FUCA1: variants seen among roughly 807,000 people sequenced by gnomAD.
The protein encoded by FUCA1 is tissue alpha-L-fucosidase.
In FUCA1, 52 loss-of-function variants were observed where a neutral mutation model predicts 56.8. The ratio of observed to expected loss-of-function variants is 0.92; its 90% confidence interval spans 0.73 to 1.15. The LOEUF is 1.15. Ranked by LOEUF, FUCA1 falls within the 50% of genes most tolerant of loss-of-function variation. FUCA1 has a pLI of 0.00. For missense variants in FUCA1, 568 were observed against 592.6 expected, an observed-to-expected ratio of 0.96 and a Z score of 0.43; for synonymous variants, 230 against 226.6, an observed-to-expected ratio of 1.02 and a Z score of -0.14.
chr1:23,853,360 C>T (rs1205881830), intron 5 of FUCA1, among the ~76,000 whole-genome samples: 1 of 151,666 alleles, frequency 6.6e-6, no homozygotes, highest in African/African-American at 2.4e-5. Context: ...TCAGCCCCCG[C>T]CCGGCCAGCC....
At chr1:23,866,023 A>T (rs775436615) in intron 1 of FUCA1, among the ~76,000 whole-genome samples, 16 of 152,184 alleles carry the variant, frequency 1.1e-4, no homozygotes, top group Non-Finnish European at 2.1e-4. Context: ...AAACTAAGCC[A>T]TTTGCTGGCC....
chr1:23,860,230 T>C (rs956177908), intron 3 of FUCA1, among the ~76,000 whole-genome samples: 8 of 152,156 alleles, frequency 5.3e-5, no homozygotes, highest in Non-Finnish European at 1.2e-4. Flanking sequence ...GTGCAGAGGA[T>C]GTGGAAAACT....
chr1:23,848,585 A>G (rs1034382672), intron 6 of FUCA1, 64 bp downstream of exon 6: 2 of 1,492,664 alleles, frequency 1.3e-6, no homozygotes, highest in African/African-American at 2.8e-5. Flanking sequence ...TGTGGACCCA[A>G]GGAGATACCA....
At chr1:23,846,320 G>A in intron 6 of FUCA1, 147 bp from the exon 7 acceptor site, 1 of 650,518 alleles carries the variant, frequency 1.5e-6, no homozygotes, top group Non-Finnish European at 2.7e-6. Flanking sequence ...TGCCCAGGCT[G>A]GAGTGCAATG....
chr1:23,864,667 G>A (rs1639584796), intron 2 of FUCA1, among the ~76,000 whole-genome samples: 2 of 151,826 alleles, frequency 1.3e-5, no homozygotes. Flanking sequence ...AACAAACTGA[G>A]CAGGTGACAG....
At chr1:23,856,639 T>A (rs921906977) in intron 4 of FUCA1, among the ~76,000 whole-genome samples, 1 of 152,208 alleles carries the variant, frequency 6.6e-6, no homozygotes, top group African/African-American at 2.4e-5. Context: ...GCGAAGCTAC[T>A]GTGAAGATGG....
In FUCA1 at chr1:23,848,676, T is replaced by A. The variant is rs773823561; in HGVS notation, c.1133A>T (p.Gln378Leu). The A allele has an allele frequency of 3.1e-6, 5 of 1,614,164 alleles. No individual in the cohort carries two copies. In the South Asian group the frequency reaches 5.5e-5, roughly 18 times the overall value. The change falls in exon 6 of 8, where the codon CAA (glutamine) becomes CTA (leucine). Residue 378 changes from glutamine to leucine, a missense_variant. Physicochemically the swap from Gln to Leu is moderately radical, Grantham distance 113 (BLOSUM62 -2). Transcript: ENST00000374479. ...TACAGATGTTGTGTTCTTTTCCCAT[T>A]GCACCCGCCATGGTTTGGAGGCATA... ...AIYASKPWRV[Q>L]WEKNTTSVWY...
intron 5 of FUCA1, among the ~76,000 whole-genome samples, chr1:23,853,209 CATCT>C (rs1639308567): frequency 6.6e-6 from 1 of 151,192 alleles, no homozygotes. Context: ...CCAGCCGCCC[CATCT>C]GAGAAGTGAG....
Position 23,868,219 on chromosome 1 carries a change from C to T in FUCA1, c.68G>A (p.Gly23Glu), listed in dbSNP as rs2148450750. ...PALLLLLLFL[G>E]AAESVRRAQP... is the part of the protein sequence containing the mutation. ...GGCCCGACGCACCGACTCGGCCGCT[C>T]CGAGGAAGAGCAGCAGCAGCAACAG... The change falls in exon 1 of 8, where the codon GGA becomes GAA. Residue 23 changes from glycine (G) to glutamate (E), a missense_variant. Transcript: ENST00000374479. The T allele has an allele frequency of 6.3e-7, 1 of 1,587,200 alleles. No homozygotes were observed. Among genetic ancestry groups the T allele is most frequent in the Non-Finnish European group, 8.6e-7 (1 of 1,167,466 alleles).
intron 5 of FUCA1, among the ~76,000 whole-genome samples, chr1:23,853,364 G>A (rs1482829153): frequency 6.8e-6 from 1 of 148,132 alleles, no homozygotes; most frequent in Admixed American, 6.6e-5. Context: ...CCCCCGCCCG[G>A]CCAGCCGCCC....
At chr1:23,859,528 T>C (rs1384893376) in intron 4 of FUCA1, among the ~76,000 whole-genome samples, 1 of 150,840 alleles carries the variant, frequency 6.6e-6, no homozygotes, top group Non-Finnish European at 1.5e-5. Context: ...ATCGCACCAC[T>C]GTACTCCAGC....
chr1:23,846,274 TC>T, intron 6 of FUCA1, 101 bp from the exon 7 acceptor site: 1 of 801,882 alleles, frequency 1.2e-6, no homozygotes. Context: ...TCTTTTCTTT[TC>T]TTTTTTTTTT....
At position 23,864,936 on chromosome 1, in the gene FUCA1, C is replaced by T. The variant is rs1389537402; in HGVS notation, c.524+555G>A. Among the ~76,000 whole-genome samples the T allele has an allele frequency of 7.9e-5, 12 of 152,060 alleles. No homozygotes were observed. In the South Asian group the frequency reaches 2.3e-3, roughly 29 times the overall value. ...GTCAGGTTGGTCTTGAACTCCTGACCTCATGATCTGCTTGCCTCTGCCTCC... is the reference window on the plus strand; with the variant it reads ...GTCAGGTTGGTCTTGAACTCCTGACTTCATGATCTGCTTGCCTCTGCCTCC... On this transcript the variant is annotated intron_variant, in intron 2 of 7. Transcript: ENST00000374479.
chr1:23,860,333 T>C (rs897259227), intron 3 of FUCA1, among the ~76,000 whole-genome samples: 5 of 151,898 alleles, frequency 3.3e-5, no homozygotes, highest in African/African-American at 2.4e-5. Context: ...CCTGTAATCC[T>C]AGCACTTTGG....
At chr1:23,846,757 T>C (rs1334157119) in intron 6 of FUCA1, among the ~76,000 whole-genome samples, 4 of 152,034 alleles carry the variant, frequency 2.6e-5, no homozygotes, top group Non-Finnish European at 5.9e-5. Flanking sequence ...AATTTTTGTA[T>C]TTTTAGTAAA....
intron 3 of FUCA1, 134 bp downstream of exon 3, chr1:23,863,000 A>T: frequency 1.0e-6 from 1 of 962,528 alleles, no homozygotes; most frequent in Non-Finnish European, 1.6e-6. Context: ...TCTTAATACA[A>T]CCACCACTTT....
At chr1:23,865,714 G>A (rs1044024317) in intron 1 of FUCA1, 89 bp from the exon 2 acceptor site, 2 of 1,390,962 alleles carry the variant, frequency 1.4e-6, no homozygotes, top group African/African-American at 2.8e-5. Context: ...TTAAATAGCT[G>A]AAAGAACTTG....
intron 1 of FUCA1, among the ~76,000 whole-genome samples, chr1:23,866,196 C>T (rs1419135566): frequency 6.6e-6 from 1 of 152,138 alleles, no homozygotes; most frequent in Non-Finnish European, 1.5e-5. Context: ...CCTGTAGTCC[C>T]AGGTATTTGA....
At chr1:23,852,995 G>A (rs1273583593) in intron 5 of FUCA1, among the ~76,000 whole-genome samples, 3 of 148,230 alleles carry the variant, frequency 2.0e-5, no homozygotes, top group South Asian at 2.1e-4. Flanking sequence ...AATGAGGAGC[G>A]TCTCTGCCCG....
Sources: allele counts gnomAD v4.1 joint callset (sites outside exome capture counted in the v4.1 genomes callset), GRCh38; gene constraint gnomAD v4.1.1; transcripts MANE v1.5; gene names NCBI Gene and HGNC (gene_info 2026-07-23, HGNC 2026-07-21).